Variants in DPH7 observed in about 807,000 individuals in gnomAD.
The protein encoded by DPH7 is diphthamide biosynthesis 7, also known as diphthine methyltransferase.
Under a neutral mutation model 41.7 loss-of-function variants are expected in DPH7, and 44 were observed. That is an observed-to-expected ratio of 1.05 (90% CI 0.83 to 1.36). The LOEUF is 1.36. Ranked by LOEUF, DPH7 falls within the 40% of genes most tolerant of loss-of-function variation. DPH7 has a pLI of 0.00. For synonymous variants in DPH7, 275 were observed against 238.0 expected, an observed-to-expected ratio of 1.16 and a Z score of -1.43; for missense variants, 629 against 577.5, an observed-to-expected ratio of 1.09 and a Z score of -0.91.
intron 5 of DPH7, among the ~76,000 whole-genome samples, chr9:137,571,514 G>A (rs771388034): frequency 6.6e-6 from 1 of 152,168 alleles, no homozygotes; most frequent in Admixed American, 6.5e-5. Context: ...AGAAGGCTGA[G>A]TGCAGTGGCT....
intron 8 of DPH7, 148 bp downstream of exon 8, chr9:137,564,286 T>G: frequency 1.0e-6 from 1 of 975,358 alleles, no homozygotes; most frequent in Non-Finnish European, 1.5e-6. Context: ...CGACCAAGTC[T>G]AGGGCGCGAC....
intron 8 of DPH7, among the ~76,000 whole-genome samples, chr9:137,561,541 T>TAAAA (rs1838597708): frequency 2.8e-5 from 1 of 35,176 alleles, no homozygotes; most frequent in Non-Finnish European, 4.2e-5. Context: ...AGACTCCATC[T>TAAAA]CAAAAAAAAA....
intron 8 of DPH7, among the ~76,000 whole-genome samples, chr9:137,559,606 G>T (rs950244495): frequency 1.3e-5 from 2 of 152,214 alleles, no homozygotes; most frequent in African/African-American, 4.8e-5. Flanking sequence ...CTAGATAGCA[G>T]TAGTCAATTA....
In DPH7 at chr9:137,574,413, A is replaced by C; in HGVS notation, c.468-33T>G. The C allele has an allele frequency of 4.4e-6, 7 of 1,604,076 alleles. No homozygotes were observed. In the South Asian group the frequency reaches 7.7e-5, roughly 18 times the overall value. ...CAGGGAACCCATGAAGAAGCCCGGC[A>C]GAATGTTATTCGTCAGCCTCTTCTG... On this transcript the variant is annotated intron_variant, in intron 4 of 8. Coordinates refer to ENST00000277540, the MANE Select transcript of DPH7 (RefSeq NM_138778.5).
rs112536144 is a variant in DPH7, at chr9:137,556,142, G to A, written c.950-494C>T. On this transcript the variant is annotated intron_variant, in intron 8 of 8. Transcript: ENST00000277540. The surrounding 1 kb of genome is among the most constrained non-coding windows in gnomAD (Gnocchi z 5.2). ...GTCCCAAGCATGCAGGGTCCGGCAC[G>A]CCCTGTTTCAGAGTCTGGATTCTGG... Among the ~76,000 whole-genome samples the A allele has an allele frequency of 1.7e-4, 26 of 152,302 alleles. 1 individual carries two copies. Among genetic ancestry groups the A allele is most frequent in the African/African-American group, 4.8e-4 (20 of 41,552 alleles).
intron 8 of DPH7, among the ~76,000 whole-genome samples, chr9:137,561,534 C>T (rs1220668429): frequency 8.2e-6 from 1 of 121,274 alleles, no homozygotes; most frequent in African/African-American, 3.6e-5. Context: ...CAGAGCGAGA[C>T]TCCATCTCAA....
intron 5 of DPH7, among the ~76,000 whole-genome samples, chr9:137,571,226 C>T (rs1028592002): frequency 3.9e-5 from 6 of 151,964 alleles, no homozygotes; most frequent in African/African-American, 7.2e-5. Context: ...CTTGCTCTCT[C>T]GCCAGGCTGG....
At chr9:137,569,433 T>G (rs1237398048) in intron 5 of DPH7, among the ~76,000 whole-genome samples, 1 of 108,810 alleles carries the variant, frequency 9.2e-6, no homozygotes, top group Non-Finnish European at 1.8e-5. Flanking sequence ...CCACCATCCA[T>G]CCATCCAGCC....
At chr9:137,564,676 G>A in intron 7 of DPH7, 70 bp from the exon 8 acceptor site, 1 of 1,565,216 alleles carries the variant, frequency 6.4e-7, no homozygotes, top group Admixed American at 1.8e-5. Flanking sequence ...GGCCCCTGGG[G>A]GGCACAGAAC....
intron 5 of DPH7, among the ~76,000 whole-genome samples, chr9:137,568,614 T>G (rs1839852166): frequency 6.6e-6 from 1 of 152,042 alleles, no homozygotes; most frequent in Admixed American, 6.6e-5. Context: ...CCTGGTGACT[T>G]TGCTGGAGGA....
At chr9:137,578,598 C>T (rs1352589202) in intron 1 of DPH7, 27 bp downstream of exon 1, 13 of 1,451,362 alleles carry the variant, frequency 9.0e-6, no homozygotes, top group Non-Finnish European at 1.2e-5. Flanking sequence ...GCCCCGCCCT[C>T]CCCTCCCGAA....
chr9:137,568,576 G>A (rs1753860), intron 5 of DPH7, among the ~76,000 whole-genome samples: 4 of 136,810 alleles, frequency 2.9e-5, no homozygotes, highest in Non-Finnish European at 6.4e-5. Context: ...GAAGCTCCCC[G>A]GGGTGACTCT....
chr9:137,577,746 G>A, intron 1 of DPH7, 143 bp from the exon 2 acceptor site: 2 of 1,148,770 alleles, frequency 1.7e-6, no homozygotes, highest in South Asian at 3.1e-5. Flanking sequence ...CTGGTTTTCT[G>A]AGCTGGAGAA....
chr9:137,577,559 G>C lies in DPH7; in HGVS notation c.198C>G (p.Leu66=). Residue 66 remains leucine, a synonymous_variant, in exon 2 of 9, where the codon CTC becomes CTG. Transcript: ENST00000277540. ...TGTTGTCATTGAAACTGTACAGGAAGAGACGGCCTAAACGGACCTGAGGCT... is the reference window on the plus strand; with the variant it reads ...TGTTGTCATTGAAACTGTACAGGAACAGACGGCCTAAACGGACCTGAGGCT... ...VKEPQVRLGR[L]FLYSFNDNNS... 1 of 1,614,094 alleles carries C rather than the reference G, an allele frequency of 6.2e-7. No homozygotes were observed.
chr9:137,570,407 C>G (rs1840234428), intron 5 of DPH7, among the ~76,000 whole-genome samples: 1 of 152,148 alleles, frequency 6.6e-6, no homozygotes, highest in Non-Finnish European at 1.5e-5. Flanking sequence ...CTGGATATAC[C>G]TTCACTTCTA....
At chr9:137,577,712 G>C in intron 1 of DPH7, 109 bp from the exon 2 acceptor site, 2 of 1,382,630 alleles carry the variant, frequency 1.4e-6, no homozygotes, top group Admixed American at 4.5e-5. Flanking sequence ...TAAAGGAGTG[G>C]AATTCTGCCT....
At chr9:137,575,172 C>A in intron 3 of DPH7, 12 of 1,051,956 alleles carry the variant, frequency 1.1e-5, no homozygotes, top group Non-Finnish European at 1.4e-5. Flanking sequence ...AGGCTCCAGA[C>A]CACAGTGGCA....
At chr9:137,576,731 T>C (rs1029160512) in intron 2 of DPH7, among the ~76,000 whole-genome samples, 8 of 151,748 alleles carry the variant, frequency 5.3e-5, no homozygotes, top group African/African-American at 1.9e-4. Flanking sequence ...CTACTAAAAA[T>C]ACAAAAAAAT....
intron 8 of DPH7, among the ~76,000 whole-genome samples, chr9:137,561,401 G>A (rs1321986391): frequency 2.6e-5 from 4 of 151,988 alleles, no homozygotes; most frequent in African/African-American, 4.8e-5. Context: ...TTAGCCAGGC[G>A]TGGTGGCAGG....
Sources: allele counts gnomAD v4.1 joint callset (sites outside exome capture counted in the v4.1 genomes callset), GRCh38; gene constraint gnomAD v4.1.1; non-coding constraint Gnocchi (gnomAD v3.1); transcripts MANE v1.5; gene names NCBI Gene and HGNC (gene_info 2026-07-23, HGNC 2026-07-21).